Variants in LMF1 observed in about 807,000 individuals in gnomAD.
LMF1 encodes transmembrane protein 112.
LMF1 carries 68 observed loss-of-function variants against 60.6 expected under a neutral mutation model. The ratio of observed to expected loss-of-function variants is 1.12; its 90% CI spans 0.92 to 1.37. LMF1 has a LOEUF of 1.37. Ranked by LOEUF, LMF1 falls within the 40% of genes most tolerant of loss-of-function variation. The pLI is 0.00. For synonymous variants in LMF1, 418 were observed against 324.7 expected (o/e 1.29, Z -3.09); for missense variants, 948 against 767.2 (o/e 1.24, Z -2.78).
rs538365724 is a variant in LMF1, at chr16:859,077, G to A, written c.1530-4371C>T. 4.3e-4 allele frequency among the ~76,000 whole-genome samples: 53 copies of A among 122,542 alleles called. 3 individuals carry two copies. Among genetic ancestry groups the A allele is most frequent in the African/African-American group, 1.9e-3 (49 of 25,550 alleles). 80.4% of individuals were successfully genotyped at this position (122,542 alleles called of 152,430 possible). On this transcript the variant is annotated intron_variant, in intron 10 of 10. Coordinates refer to ENST00000262301, the MANE Select transcript of LMF1 (RefSeq NM_022773.4). ...GGGTGTGAGTGGTGTCACGGGACGG[G>A]TGTGAGTGGTGTCTCGGGACGGGTG...
intron 3 of LMF1, among the ~76,000 whole-genome samples, chr16:927,694 C>G (rs977303648): frequency 6.6e-6 from 1 of 152,214 alleles, no homozygotes; most frequent in African/African-American, 2.4e-5. Context: ...ACCCGGCGAT[C>G]GCTTCCCGCA....
At chr16:952,113 G>C (rs1284553532) in intron 2 of LMF1, among the ~76,000 whole-genome samples, 1 of 152,208 alleles carries the variant, frequency 6.6e-6, no homozygotes, top group African/African-American at 2.4e-5. Flanking sequence ...GGGTGCCCAA[G>C]GCATCCCCAG....
At chr16:941,048 C>G (rs761112703) in intron 2 of LMF1, among the ~76,000 whole-genome samples, 26 of 152,152 alleles carry the variant, frequency 1.7e-4, no homozygotes, top group Non-Finnish European at 2.9e-4. Context: ...CTGTACACCT[C>G]TGATAATACT....
intron 4 of LMF1, among the ~76,000 whole-genome samples, chr16:908,254 G>A (rs1033532897): frequency 1.3e-5 from 2 of 152,194 alleles, no homozygotes; most frequent in African/African-American, 4.8e-5. Context: ...ATTAAAAGGA[G>A]CCATGGAAAC....
chr16:958,777 C>T (rs972663606), intron 1 of LMF1, among the ~76,000 whole-genome samples: 9 of 152,158 alleles, frequency 5.9e-5, no homozygotes, highest in African/African-American at 1.9e-4. Context: ...ATCCCAGCTA[C>T]TCGCAAGGCT....
intron 2 of LMF1, among the ~76,000 whole-genome samples, chr16:938,395 C>T (rs928399615): frequency 2.7e-5 from 4 of 148,742 alleles, no homozygotes; most frequent in Non-Finnish European, 4.5e-5. Flanking sequence ...GGCTGGACGG[C>T]GGCTCGCGGG....
chr16:869,838 T>TG, intron 9 of LMF1, 45 bp downstream of exon 9: 2 of 1,576,756 alleles, frequency 1.3e-6, no homozygotes, highest in Middle Eastern at 1.7e-4. Flanking sequence ...CAGAAGAGGG[T>TG]GGGGTACAGG....
intron 3 of LMF1, among the ~76,000 whole-genome samples, chr16:922,354 G>A (rs1488417178): frequency 6.6e-6 from 1 of 152,220 alleles, no homozygotes; most frequent in African/African-American, 2.4e-5. Context: ...CCAGCCCACA[G>A]CGACTGGTAG....
At chr16:950,380 CAGCCAATGACAGAGTCAG>C (rs1272166153) in intron 2 of LMF1, among the ~76,000 whole-genome samples, 1 of 129,746 alleles carries the variant, frequency 7.7e-6, no homozygotes, top group African/African-American at 3.3e-5. Context: ...ACGACAGAGT[CAGCCAATGACAGAGTCAG>C]AGCCAACGAC....
intron 5 of LMF1, among the ~76,000 whole-genome samples, chr16:882,703 C>T (rs918210002): frequency 6.6e-6 from 1 of 151,838 alleles, no homozygotes; most frequent in African/African-American, 2.4e-5. Flanking sequence ...GGGCCCATCG[C>T]AGGACCAGGA....
intron 6 of LMF1, among the ~76,000 whole-genome samples, 175 bp downstream of exon 6, chr16:879,395 G>A (rs1203036874): frequency 5.3e-5 from 8 of 152,292 alleles, no homozygotes; most frequent in South Asian, 4.1e-4. Flanking sequence ...CCTGCAGCCC[G>A]GGACAGGGCT....
At chr16:950,453 C>A (rs1174083493) in intron 2 of LMF1, among the ~76,000 whole-genome samples, 1 of 116,856 alleles carries the variant, frequency 8.6e-6, no homozygotes, top group Non-Finnish European at 1.7e-5. Flanking sequence ...ACAGAGTCAG[C>A]CAACGACAGA....
chr16:918,956 G>C (rs1460964772), intron 3 of LMF1, among the ~76,000 whole-genome samples: 1 of 150,806 alleles, frequency 6.6e-6, no homozygotes. Flanking sequence ...TCTCACTCCC[G>C]AGTAGCGGTG....
At chr16:875,236 C>A (rs1005046429) in intron 6 of LMF1, among the ~76,000 whole-genome samples, 2 of 152,090 alleles carry the variant, frequency 1.3e-5, no homozygotes, top group African/African-American at 2.4e-5. Flanking sequence ...AGCATCCCCA[C>A]TGTCCACCGC....
intron 4 of LMF1, among the ~76,000 whole-genome samples, chr16:908,479 G>C (rs1402948231): frequency 6.6e-6 from 1 of 152,114 alleles, no homozygotes; most frequent in East Asian, 1.9e-4. Context: ...CCCTCCCGCT[G>C]TGCCATGGCC....
Position 976,257 on chromosome 16 carries a change from T to C in LMF1, c.-135+4888A>G, listed in dbSNP as rs1264035529. 7 of 447,400 alleles carry C rather than the reference T, an allele frequency of 1.6e-5. No homozygotes were observed. In the Admixed American group the frequency reaches 1.7e-4, roughly 11 times the overall value. 27.7% of individuals were successfully genotyped at this position (447,400 alleles called of 1,614,324 possible). On this transcript the variant is annotated intron_variant, in intron 1 of 6. Transcript: ENST00000570014. ...AAGGGCCCAAGGGCTGAAATGGGGC[T>C]GGGGTCCCTGGATCTAGGGGATGAG...
chr16:957,431 A>T (rs370028396), intron 1 of LMF1, among the ~76,000 whole-genome samples: 2 of 152,310 alleles, frequency 1.3e-5, no homozygotes, highest in African/African-American at 4.8e-5. Context: ...AACACTGATT[A>T]AAAAAATGAA....
At position 979,533 on chromosome 16, in the gene LMF1, G is replaced by A. The variant is rs922306709; in HGVS notation, c.-135+1612C>T. The A allele has an allele frequency of 9.6e-6, 4 of 418,676 alleles. No individual in the cohort carries two copies. In the East Asian group the frequency reaches 2.8e-4, roughly 30 times the overall value. 25.9% of individuals were successfully genotyped at this position (418,676 alleles called of 1,614,324 possible). A position where few individuals can be genotyped will look rare whatever the true frequency, so the allele number is the denominator to read the frequency against. On this transcript the variant is annotated intron_variant, in intron 1 of 6. Coordinates refer to the LMF1 transcript ENST00000570014. ...CAGTTGCACAGACCACCGTGCCCCA[G>A]AGTCAGGGCCTGGATGCCACTCCCC...
At chr16:954,779 G>C (rs761323947) in intron 1 of LMF1, 113 bp from the exon 2 acceptor site, 2 of 1,002,762 alleles carry the variant, frequency 2.0e-6, no homozygotes, top group South Asian at 3.4e-5. Context: ...GCAGAGTCTG[G>C]CTGACGGTTT....
Sources: allele counts gnomAD v4.1 joint callset (sites outside exome capture counted in the v4.1 genomes callset), GRCh38; gene constraint gnomAD v4.1.1; transcripts MANE v1.5; gene names NCBI Gene and HGNC (gene_info 2026-07-23, HGNC 2026-07-21).